KCNJ3: variants seen among roughly 807,000 people sequenced by gnomAD.
The protein encoded by KCNJ3 is potassium inwardly rectifying channel subfamily J member 3, also known as G protein-activated inward rectifier potassium channel 1.
A neutral mutation model predicts 39.2 loss-of-function variants in KCNJ3; 4 were observed. The ratio of observed to expected loss-of-function variants is 0.10; its 90% CI spans 0.05 to 0.23. The LOEUF (loss-of-function observed/expected upper bound fraction) is 0.23, where lower values mean the gene tolerates loss of function less well. KCNJ3 is among the 10% of genes least tolerant of loss of function. The pLI is 1.00. For missense variants in KCNJ3, 276 were observed against 634.9 expected (o/e 0.43, Z 6.08); for synonymous variants, 230 against 237.4 (o/e 0.97, Z 0.29).
intron 2 of KCNJ3, among the ~76,000 whole-genome samples, chr2:154,750,939 A>C (rs1013875948): frequency 6.6e-6 from 1 of 151,954 alleles, no homozygotes; most frequent in Non-Finnish European, 1.5e-5. Flanking sequence ...ATTTGGAAAA[A>C]CTGAGTTTTG....
At chr2:154,711,013 A>G (rs1288645767) in intron 2 of KCNJ3, among the ~76,000 whole-genome samples, 1 of 152,100 alleles carries the variant, frequency 6.6e-6, no homozygotes, top group Non-Finnish European at 1.5e-5. Flanking sequence ...TGCTTGTAGT[A>G]TTTTAAACTG....
intron 2 of KCNJ3, among the ~76,000 whole-genome samples, chr2:154,816,692 A>G (rs542298390): frequency 1.9e-3 from 294 of 152,338 alleles, no homozygotes; most frequent in African/African-American, 6.7e-3. Context: ...TGAATACATC[A>G]GCAGATGTCA....
At chr2:154,770,031 C>A (rs948647732) in intron 2 of KCNJ3, among the ~76,000 whole-genome samples, 1 of 152,118 alleles carries the variant, frequency 6.6e-6, no homozygotes, top group African/African-American at 2.4e-5. Context: ...TATGTTATTA[C>A]TGGTTCTGAA....
intron 2 of KCNJ3, among the ~76,000 whole-genome samples, chr2:154,785,019 G>A (rs939338829): frequency 3.3e-5 from 5 of 152,182 alleles, no homozygotes; most frequent in Admixed American, 1.3e-4. Context: ...GGAGAAGAGG[G>A]CTTTACTGAA....
intron 2 of KCNJ3, among the ~76,000 whole-genome samples, chr2:154,821,487 A>G (rs1161808220): frequency 6.6e-6 from 1 of 152,182 alleles, no homozygotes; most frequent in Admixed American, 6.5e-5. Flanking sequence ...GTTTCTGCAC[A>G]GTAATTGAAA....
At chr2:154,836,229 C>CAAAAAAAAAAAAAAAAAAAAAAAAA (rs67183820) in intron 2 of KCNJ3, among the ~76,000 whole-genome samples, 1 of 141,224 alleles carries the variant, frequency 7.1e-6, no homozygotes, top group African/African-American at 2.8e-5. Context: ...CAAAAAAAAA[C>CAAAAAAAAAAAAAAAAAAAAAAAAA]AAAAAAAAAA....
chr2:154,704,652 AT>A (rs1684970343), intron 1 of KCNJ3, among the ~76,000 whole-genome samples: 1 of 152,122 alleles, frequency 6.6e-6, no homozygotes, highest in African/African-American at 2.4e-5. Flanking sequence ...ATTGTAGACA[AT>A]GCCAATAAAA....
intron 2 of KCNJ3, among the ~76,000 whole-genome samples, chr2:154,726,131 ACTT>A (rs1314833038): frequency 1.3e-5 from 2 of 152,246 alleles, no homozygotes; most frequent in Non-Finnish European, 2.9e-5. Flanking sequence ...AAACCAAAAA[ACTT>A]CTTCTGCACA....
intron 2 of KCNJ3, among the ~76,000 whole-genome samples, chr2:154,735,618 G>C (rs1264161332): frequency 1.3e-5 from 2 of 152,082 alleles, no homozygotes; most frequent in Non-Finnish European, 2.9e-5. Flanking sequence ...ATTGATGTTA[G>C]TACAAAACGT....
chr2:154,816,653 G>A (rs940780247), intron 2 of KCNJ3, among the ~76,000 whole-genome samples: 14 of 151,962 alleles, frequency 9.2e-5, no homozygotes, highest in African/African-American at 2.4e-4. Context: ...TTATAAATTC[G>A]GACCATAAAA....
chr2:154,766,228 C>A (rs759465432), intron 2 of KCNJ3, among the ~76,000 whole-genome samples: 3 of 152,164 alleles, frequency 2.0e-5, no homozygotes, highest in Non-Finnish European at 2.9e-5. Flanking sequence ...AGAATCTCTG[C>A]ATTAACCAGT....
chr2:154,828,674 A>G (rs142075962), intron 2 of KCNJ3, among the ~76,000 whole-genome samples: 11 of 152,236 alleles, frequency 7.2e-5, no homozygotes, highest in African/African-American at 2.6e-4. Flanking sequence ...TCAGTTCCCA[A>G]ACTGCTCCCT....
rs1289563674 is a variant in KCNJ3 at position 154,838,059 on chromosome 2, TAGA to T, written c.920-16665_920-16663del. On this transcript the variant is annotated intron_variant, in intron 2 of 2. Transcript: ENST00000295101. The stretch of plus-strand genomic sequence containing the variant: ...AAGTCATTGAGACATTTACAGTACA[TAGA>T]AGGTGCAGGATGAGTGTGTGTATGT... Among the ~76,000 whole-genome samples, 26 of 152,294 alleles carry T rather than the reference TAGA, an allele frequency of 1.7e-4. No homozygotes were observed. The East Asian group carries it at 5.0e-3, about 29-fold the overall frequency.
chr2:154,734,421 G>A (rs1211569639), intron 2 of KCNJ3, among the ~76,000 whole-genome samples: 1 of 152,102 alleles, frequency 6.6e-6, no homozygotes. Context: ...TAGAAATACC[G>A]CTCACCCTCT....
At chr2:154,703,583 C>G (rs546870041) in intron 1 of KCNJ3, among the ~76,000 whole-genome samples, 4 of 151,694 alleles carry the variant, frequency 2.6e-5, no homozygotes, top group Admixed American at 6.6e-5. Context: ...TTATCAAGTG[C>G]AGATGCAATA....
At chr2:154,750,282 A>C (rs1438767077) in intron 2 of KCNJ3, among the ~76,000 whole-genome samples, 1 of 151,998 alleles carries the variant, frequency 6.6e-6, no homozygotes, top group East Asian at 1.9e-4. Flanking sequence ...TTTTAGTTTC[A>C]GTATCTATAG....
In KCNJ3 at chr2:154,857,466, T is replaced by G; in HGVS notation, c.*2153T>G. The G allele has an allele frequency of 6.6e-6, 1 of 152,052 alleles. No individual in the cohort carries two copies. The highest frequency in any genetic ancestry group is 1.9e-4 in the East Asian group (1 of 5,186). 9.4% of individuals were successfully genotyped at this position (152,052 alleles called of 1,614,324 possible). A position where few individuals can be genotyped will look rare whatever the true frequency, so the allele number is the denominator to read the frequency against. ...CGTAGGCATTTTTAGTTCCTGGGGA[T>G]TTGGACATGGCTAAGTCAGAGAAGG... On this transcript the variant is annotated 3_prime_UTR_variant, in exon 3 of 3. Coordinates refer to ENST00000295101, the MANE Select transcript of KCNJ3 (RefSeq NM_002239.4).
At chr2:154,709,533 T>A (rs1685068147) in intron 1 of KCNJ3, 70 bp from the exon 2 acceptor site, 1 of 1,470,554 alleles carries the variant, frequency 6.8e-7, no homozygotes, top group African/African-American at 1.4e-5. Context: ...TGATGTAAAT[T>A]ACTGTTGGGC....
intron 2 of KCNJ3, among the ~76,000 whole-genome samples, chr2:154,832,135 G>T (rs968244393): frequency 1.1e-4 from 16 of 151,998 alleles, no homozygotes; most frequent in African/African-American, 3.6e-4. Context: ...ATTCATGAGC[G>T]ATCTGCCCCC....
Sources: allele counts gnomAD v4.1 joint callset (sites outside exome capture counted in the v4.1 genomes callset), GRCh38; gene constraint gnomAD v4.1.1; transcripts MANE v1.5; gene names NCBI Gene and HGNC (gene_info 2026-07-23, HGNC 2026-07-21).